Variants in GOLGA4 observed in about 807,000 individuals in gnomAD.
The protein encoded by GOLGA4 is golgin A4.
A neutral mutation model predicts 265.9 loss-of-function variants in GOLGA4; 169 were observed. The ratio of observed to expected loss-of-function variants is 0.64; its 90% CI spans 0.56 to 0.72. GOLGA4 has a LOEUF of 0.72. Among genes scored for constraint, GOLGA4 ranks in the 30% least tolerant of loss-of-function variants. GOLGA4 has a pLI of 0.00. For synonymous variants in GOLGA4, 923 were observed against 855.8 expected, an observed-to-expected ratio of 1.08 and a Z score of -1.37; for missense variants, 2,482 against 2,483.4, an observed-to-expected ratio of 1.00 and a Z score of 0.01.
Position 37,323,693 on chromosome 3 carries a change from AAGG to A in GOLGA4, c.1810_1812del (p.Glu604del), listed in dbSNP as rs762062775. ...GGAAGCTGAAAAAAATAAGCACAAT[AAGG>A]AGATTACAGTCATGGTTGAAAAACA... is the stretch of plus-strand genomic sequence containing the variant. On this transcript the variant is annotated inframe_deletion, in exon 14 of 24. Coordinates refer to ENST00000361924, the MANE Select transcript of GOLGA4 (RefSeq NM_002078.5). The A allele has an allele frequency of 5.0e-6, 8 of 1,612,622 alleles. No homozygotes were observed. In the South Asian group the frequency reaches 6.6e-5, roughly 13 times the overall value.
chr3:37,340,497 A>C (rs2097029872), intron 20 of GOLGA4, among the ~76,000 whole-genome samples: 2 of 152,200 alleles, frequency 1.3e-5, no homozygotes, highest in Admixed American at 1.3e-4. Context: ...AGAATACAAT[A>C]AATTGGGTGG....
At chr3:37,294,442 G>C (rs937606607) in intron 5 of GOLGA4, among the ~76,000 whole-genome samples, 6 of 147,564 alleles carry the variant, frequency 4.1e-5, no homozygotes, top group Admixed American at 1.4e-4. Flanking sequence ...CTGGAGTGCA[G>C]TGGCAAGCCT....
chr3:37,329,871 C>T (rs2096984337), intron 16 of GOLGA4, among the ~76,000 whole-genome samples: 1 of 152,058 alleles, frequency 6.6e-6, no homozygotes, highest in African/African-American at 2.4e-5. Flanking sequence ...TCACTATATG[C>T]TAAGAATCTT....
rs569888293 is a variant in GOLGA4 at position 37,302,177 on chromosome 3, C to A, written c.1087-8C>A. On this transcript the variant is annotated splice_region_variant and splice_polypyrimidine_tract_variant and intron_variant, in intron 9 of 23. Transcript: ENST00000361924. ...TGCAAATGTTTTAGAGTCTTCACTT[C>A]TATTCAGGGAATGGTAATCGCAGAG... 6.5e-4 allele frequency: 1,044 copies of A among 1,611,142 alleles called. 14 individuals carry two copies. The South Asian group carries it at 0.011, about 17-fold the overall frequency.
chr3:37,342,628 T>C (rs538760892), intron 20 of GOLGA4, among the ~76,000 whole-genome samples: 1 of 152,222 alleles, frequency 6.6e-6, no homozygotes. Flanking sequence ...TTGCTTAATA[T>C]AAGGTTTGAG....
chr3:37,312,670 C>G (rs1190177618), intron 10 of GOLGA4, among the ~76,000 whole-genome samples: 1 of 151,868 alleles, frequency 6.6e-6, no homozygotes, highest in Non-Finnish European at 1.5e-5. Flanking sequence ...ACTACAGGTA[C>G]AAGCCACGGC....
chr3:37,282,218 G>C lies in GOLGA4; in HGVS notation c.423G>C (p.Gln141His). The C allele has an allele frequency of 6.2e-7, 1 of 1,614,208 alleles. No homozygotes were observed. Among genetic ancestry groups the C allele is most frequent in the Non-Finnish European group, 8.5e-7 (1 of 1,180,028 alleles). The change falls in exon 3 of 24, where the codon CAG (glutamine) becomes CAC (histidine). Residue 141 changes from glutamine (Q) to histidine (H), a missense_variant. Gln to His is a conservative substitution (Grantham distance 24). Coordinates refer to ENST00000361924, the MANE Select transcript of GOLGA4 (RefSeq NM_002078.5). ...SDSLNKEQLI[Q>H]RLRRMERSLS... Reference sequence around the variant, plus strand: ...GTCTCAACAAAGAACAGTTGATTCAGCGGTTGCGAAGAATGGAACGAAGCT... The same window carrying C: ...GTCTCAACAAAGAACAGTTGATTCACCGGTTGCGAAGAATGGAACGAAGCT...
intron 22 of GOLGA4, among the ~76,000 whole-genome samples, chr3:37,359,637 G>A (rs930020242): frequency 7.9e-5 from 12 of 151,936 alleles, no homozygotes; most frequent in African/African-American, 2.4e-4. Context: ...CTGATTCTTG[G>A]TGGTGTATAT....
intron 1 of GOLGA4, among the ~76,000 whole-genome samples, chr3:37,244,438 A>G (rs907383109): frequency 2.0e-5 from 3 of 152,238 alleles, no homozygotes; most frequent in African/African-American, 7.2e-5. Context: ...GTATTAATTT[A>G]AAGAAACAAT....
chr3:37,320,502 A>G (rs2096951860), intron 12 of GOLGA4: 1 of 152,216 alleles, frequency 6.6e-6, no homozygotes, highest in South Asian at 2.1e-4. Context: ...CTGTGGGGGC[A>G]CATGGATTTA....
intron 13 of GOLGA4, among the ~76,000 whole-genome samples, chr3:37,322,751 A>C (rs2096958606): frequency 6.6e-6 from 1 of 151,946 alleles, no homozygotes; most frequent in Non-Finnish European, 1.5e-5. Flanking sequence ...GCCTTATTTA[A>C]CTCCTTCAGA....
At chr3:37,243,960 G>C in intron 1 of GOLGA4, 1 of 281,110 alleles carries the variant, frequency 3.6e-6, no homozygotes, top group Non-Finnish European at 6.7e-6. Context: ...ACTCATCTGA[G>C]ACCCCACGCT....
At chr3:37,276,514 A>G in intron 2 of GOLGA4, 1 of 1,607,660 alleles carries the variant, frequency 6.2e-7, no homozygotes, top group Non-Finnish European at 8.5e-7. Flanking sequence ...GCACTTACAC[A>G]CAGGTACAAA....
intron 5 of GOLGA4, among the ~76,000 whole-genome samples, chr3:37,291,257 AAC>A (rs2096863912): frequency 6.6e-6 from 1 of 152,150 alleles, no homozygotes; most frequent in Admixed American, 6.5e-5. Flanking sequence ...TATATCTGGA[AAC>A]ACAGGAATAC....
intron 16 of GOLGA4, among the ~76,000 whole-genome samples, chr3:37,331,030 CAAAA>C (rs1205353359): frequency 3.2e-5 from 2 of 63,098 alleles, no homozygotes; most frequent in Non-Finnish European, 6.4e-5. Context: ...GACTCCGTCT[CAAAA>C]AAAAAAAAAA....
At position 37,327,585 on chromosome 3, in the gene GOLGA4, T is replaced by C. The variant is rs754210659; in HGVS notation, c.5699T>C (p.Leu1900Ser). 25 of 1,613,634 alleles carry C rather than the reference T, an allele frequency of 1.5e-5. No homozygotes were observed. The highest frequency in any genetic ancestry group is 2.0e-5 in the Non-Finnish European group (24 of 1,179,842). ...MDGRNKPTEL[L>S]EENTEEKSKS... Reference sequence around the variant, plus strand: ...GGAAGAAATAAACCCACAGAACTTTTGGAAGAAAACACTGAAGAAAAGTCC... The same window carrying C: ...GGAAGAAATAAACCCACAGAACTTTCGGAAGAAAACACTGAAGAAAAGTCC... The change falls in exon 14 of 24, where the codon TTG becomes TCG. Residue 1900 changes from leucine to serine, a missense_variant. Physicochemically the swap from Leu to Ser is moderately radical, Grantham distance 145. Around this residue, in one of 3 missense-constraint regions of GOLGA4, gnomAD observed 942 missense variants for 983.1 expected, o/e 0.96. Transcript: ENST00000361924.
Position 37,315,483 on chromosome 3 carries a change from T to C in GOLGA4, c.1298T>C (p.Leu433Pro), listed in dbSNP as rs376399139. The C allele has an allele frequency of 3.7e-6, 6 of 1,613,840 alleles. No individual in the cohort carries two copies. The African/African-American group carries it at 4.0e-5, about 11-fold the overall frequency. ...AQKTEEARRKLKAEMDEQIKT... is the reference protein window; with the variant it reads ...AQKTEEARRKPKAEMDEQIKT... ...AAAACAGAGGAAGCACGGAGAAAAC[T>C]GAAGGCAGAAATGGATGAACAAATA... Residue 433 changes from leucine (L) to proline (P), a missense_variant, in exon 11 of 24, where the codon CTG becomes CCG. Around this residue, in one of 3 missense-constraint regions of GOLGA4, gnomAD observed 1,536 missense variants for 1,483.7 expected, o/e 1.04. Coordinates refer to ENST00000361924, the MANE Select transcript of GOLGA4 (RefSeq NM_002078.5).
chr3:37,265,180 T>G (rs1259093804), intron 2 of GOLGA4, among the ~76,000 whole-genome samples: 1 of 150,594 alleles, frequency 6.6e-6, no homozygotes. Flanking sequence ...ATGTGTAGAT[T>G]TGTGTAACCT....
intron 21 of GOLGA4, among the ~76,000 whole-genome samples, chr3:37,352,137 C>T (rs1212867255): frequency 6.6e-6 from 1 of 152,044 alleles, no homozygotes; most frequent in Non-Finnish European, 1.5e-5. Context: ...TCAGCACTTA[C>T]TGCTTGTATT....
Sources: gnomAD v4.1 joint callset for allele counts (sites outside exome capture counted in the v4.1 genomes callset) on GRCh38, gnomAD v4.1.1 for gene constraint, gnomAD v4.1.1 regional missense constraint, MANE v1.5 for transcripts, NCBI Gene and HGNC (gene_info 2026-07-23, HGNC 2026-07-21) for gene names.